The following DPYD variants were observed in gnomAD, a reference collection of about 807,000 sequenced individuals.
DPYD encodes the protein dihydropyrimidine dehydrogenase [NADP(+)].
Under a neutral mutation model 116.2 loss-of-function variants are expected in DPYD, and 109 were observed. The ratio of observed to expected loss-of-function variants is 0.94; its 90% CI spans 0.80 to 1.10. DPYD has a LOEUF of 1.10. Among genes scored for constraint, DPYD ranks in the 50% least tolerant of loss-of-function variants. The pLI, the probability that DPYD is intolerant of heterozygous loss-of-function variation, is 0.00. For missense variants in DPYD, 1,302 were observed against 1,254.5 expected, an observed-to-expected ratio of 1.04 and a Z score of -0.57; for synonymous variants, 440 against 432.0, an observed-to-expected ratio of 1.02 and a Z score of -0.23.
At chr1:97,906,670 C>A (rs1040765894) in intron 1 of DPYD, among the ~76,000 whole-genome samples, 1 of 152,064 alleles carries the variant, frequency 6.6e-6, no homozygotes, top group Non-Finnish European at 1.5e-5. Flanking sequence ...TAGTATTGAA[C>A]CCTACATATA....
intron 8 of DPYD, among the ~76,000 whole-genome samples, chr1:97,632,934 C>G (rs557369565): frequency 6.6e-6 from 1 of 152,170 alleles, no homozygotes; most frequent in African/African-American, 2.4e-5. Context: ...ATAGAGCCAA[C>G]ATTCACATTA....
chr1:97,797,176 C>G (rs1171791698), intron 3 of DPYD: 1 of 152,096 alleles, frequency 6.6e-6, no homozygotes, highest in Non-Finnish European at 1.5e-5. Context: ...GCTTTCTTTT[C>G]TATTTCCTCC....
intron 20 of DPYD, among the ~76,000 whole-genome samples, chr1:97,155,941 C>T (rs962775768): frequency 6.6e-6 from 1 of 152,060 alleles, no homozygotes; most frequent in Non-Finnish European, 1.5e-5. Context: ...TTTTAAAATG[C>T]AGATTGTGAT....
chr1:97,547,666 C>T (rs1651004384), intron 12 of DPYD, among the ~76,000 whole-genome samples: 2 of 150,978 alleles, frequency 1.3e-5, no homozygotes, highest in African/African-American at 4.8e-5. Context: ...CTCTCTTTCT[C>T]TCTCGTTGTT....
chr1:97,171,263 T>C (rs1271488734), intron 20 of DPYD, among the ~76,000 whole-genome samples: 2 of 152,152 alleles, frequency 1.3e-5, no homozygotes, highest in Admixed American at 6.6e-5. Context: ...GAAGGTGGCA[T>C]GCCTGCAAAA....
At chr1:97,477,604 C>CTTTT (rs56199931) in intron 13 of DPYD, among the ~76,000 whole-genome samples, 46 of 113,668 alleles carry the variant, frequency 4.0e-4, no homozygotes, top group Admixed American at 6.5e-4. Context: ...GACTGTTCTT[C>CTTTT]TTTTTTTTTT....
intron 5 of DPYD, among the ~76,000 whole-genome samples, chr1:97,715,307 A>C (rs1466346739): frequency 1.3e-5 from 2 of 152,148 alleles, no homozygotes; most frequent in Non-Finnish European, 2.9e-5. Context: ...ACTAAGGTCT[A>C]ATCACCTCCA....
chr1:97,195,519 GGAGAGAGAGAGAGA>G (rs3050245), intron 19 of DPYD, among the ~76,000 whole-genome samples: 766 of 75,032 alleles, frequency 0.01, 23 homozygotes, highest in African/African-American at 0.036. Context: ...AATGGGATAA[GGAGAGAGAGAGAGA>G]GAGAGAGAGA....
At chr1:97,154,769 G>A (rs1339161819) in intron 20 of DPYD, among the ~76,000 whole-genome samples, 1 of 151,642 alleles carries the variant, frequency 6.6e-6, no homozygotes, top group Non-Finnish European at 1.5e-5. Flanking sequence ...GGGGGGTGAG[G>A]GATAAATGAC....
intron 3 of DPYD, among the ~76,000 whole-genome samples, chr1:97,759,008 C>G (rs553973121): frequency 1.4e-3 from 210 of 152,244 alleles, no homozygotes; most frequent in African/African-American, 5.0e-3. Flanking sequence ...ATAAAGTACA[C>G]AAAGTGTTGG....
intron 8 of DPYD, among the ~76,000 whole-genome samples, chr1:97,660,923 CTTCT>C (rs1659218795): frequency 6.6e-6 from 1 of 152,134 alleles, no homozygotes; most frequent in African/African-American, 2.4e-5. Flanking sequence ...TTTCTACTCA[CTTCT>C]TTATCTTGCC....
intron 11 of DPYD, among the ~76,000 whole-genome samples, chr1:97,573,380 A>G (rs1250208002): frequency 6.6e-6 from 1 of 152,094 alleles, no homozygotes; most frequent in Non-Finnish European, 1.5e-5. Context: ...TTGGCCATTC[A>G]TTAGATTTTG....
chr1:97,251,391 TAAAAAAAAAAAA>T (rs10581072), intron 18 of DPYD, among the ~76,000 whole-genome samples: 5 of 95,360 alleles, frequency 5.2e-5, no homozygotes, highest in Non-Finnish European at 7.9e-5. Flanking sequence ...AAACTCTGTC[TAAAAAAAAAAAA>T]AAAAAAAAAA....
intron 3 of DPYD, among the ~76,000 whole-genome samples, chr1:97,789,005 C>T (rs556971968): frequency 1.3e-5 from 2 of 152,142 alleles, no homozygotes; most frequent in African/African-American, 4.8e-5. Context: ...GGTTTCACCA[C>T]GTTACCCAGG....
intron 20 of DPYD, among the ~76,000 whole-genome samples, chr1:97,146,532 T>C (rs912080139): frequency 6.6e-6 from 1 of 152,230 alleles, no homozygotes; most frequent in Non-Finnish European, 1.5e-5. Context: ...TGTTTGTTTG[T>C]TTGTCTGTTC....
intron 3 of DPYD, among the ~76,000 whole-genome samples, chr1:97,772,719 T>C (rs545422408): frequency 1.8e-4 from 27 of 152,054 alleles, no homozygotes; most frequent in Admixed American, 3.9e-4. Context: ...AACTGGTAAG[T>C]AGAGGAGAAT....
intron 13 of DPYD, among the ~76,000 whole-genome samples, chr1:97,493,637 A>G (rs1679094413): frequency 6.6e-6 from 1 of 152,150 alleles, no homozygotes; most frequent in Non-Finnish European, 1.5e-5. Context: ...GGTGGAGAAA[A>G]CAAAACAATG....
intron 2 of DPYD, among the ~76,000 whole-genome samples, chr1:97,860,514 G>C (rs1000965766): frequency 6.6e-6 from 1 of 152,128 alleles, no homozygotes; most frequent in African/African-American, 2.4e-5. Context: ...ACACATAGCA[G>C]AGAATTATGC....
intron 18 of DPYD, chr1:97,265,586 C>T (rs1006083616): frequency 1.3e-5 from 2 of 152,128 alleles, no homozygotes; most frequent in African/African-American, 4.8e-5. Flanking sequence ...TAACATTTGT[C>T]TTTATCAGTC....
Sources: gnomAD v4.1 joint callset for allele counts (sites outside exome capture counted in the v4.1 genomes callset) on GRCh38, gnomAD v4.1.1 for gene constraint, MANE v1.5 for transcripts, NCBI Gene and HGNC (gene_info 2026-07-23, HGNC 2026-07-21) for gene names.